The following ARID1B variants were observed in gnomAD, a reference collection of about 807,000 sequenced individuals.
The protein encoded by ARID1B is AT-rich interaction domain 1B, also known as AT-rich interactive domain-containing protein 1B.
In ARID1B, 30 loss-of-function variants were observed where a neutral mutation model predicts 212.3. The ratio of observed to expected loss-of-function variants is 0.14; its 90% CI spans 0.11 to 0.19. The LOEUF (loss-of-function observed/expected upper bound fraction) is 0.19, where lower values mean the gene tolerates loss of function less well. Ranked by LOEUF, ARID1B falls within the 10% of genes least tolerant of loss-of-function variation. The pLI is 1.00. For missense variants in ARID1B, 2,891 were observed against 3,204.0 expected (o/e 0.90, Z 2.36); for synonymous variants, 1,402 against 1,301.7 (o/e 1.08, Z -1.66).
intron 9 of ARID1B, chr6:157,168,939 CTTGA>C (rs1217523480): frequency 6.6e-6 from 1 of 152,136 alleles, no homozygotes; most frequent in African/African-American, 2.4e-5. Context: ...TTTATCCCAC[CTTGA>C]TTAAGTGAAA....
intron 2 of ARID1B, among the ~76,000 whole-genome samples, chr6:156,835,644 C>CACAT (rs1171136503): frequency 6.6e-6 from 1 of 152,178 alleles, no homozygotes; most frequent in African/African-American, 2.4e-5. Flanking sequence ...TTGTCATGTA[C>CACAT]ACATGAGTTC....
Position 157,200,904 on chromosome 6 carries a change from A to G in ARID1B, c.4679A>G (p.Gln1560Arg). 6.2e-7 allele frequency: 1 copy of G among 1,613,808 alleles called. No homozygotes were observed. Among genetic ancestry groups the G allele is most frequent in the Non-Finnish European group, 8.5e-7 (1 of 1,179,910 alleles). ...AGGGAGAGGATGCAGGGCCCGGGGC[A>G]GATCCAGACACACGGAATCCCGCCT... The part of the protein sequence containing the change: ...YSRERMQGPG[Q>R]IQTHGIPPQM... Residue 1560 changes from glutamine (Q) to arginine (R), a missense_variant, in exon 18 of 20, where the codon CAG becomes CGG. Gln to Arg is a conservative substitution (Grantham distance 43, BLOSUM62 1). Coordinates refer to ENST00000636930, the MANE Select transcript of ARID1B (RefSeq NM_001374828.1). This position sits in a 1 kb window ranked among gnomAD's most constrained non-coding sequence, Gnocchi z 4.3.
intron 4 of ARID1B, among the ~76,000 whole-genome samples, chr6:156,989,939 C>T (rs1021031042): frequency 3.9e-5 from 6 of 152,050 alleles, no homozygotes; most frequent in Non-Finnish European, 5.9e-5. Context: ...ATGGTTGATA[C>T]CTTTGATATA....
chr6:156,822,260 G>A (rs1301201518), intron 1 of ARID1B, among the ~76,000 whole-genome samples: 1 of 152,186 alleles, frequency 6.6e-6, no homozygotes, highest in African/African-American at 2.4e-5. Context: ...ACCCACATTC[G>A]AAGTTCCAAC....
intron 1 of ARID1B, among the ~76,000 whole-genome samples, chr6:156,803,860 T>A (rs1780963508): frequency 6.6e-6 from 1 of 152,172 alleles, no homozygotes. Context: ...GTTTTCCTCA[T>A]CTGCAAAATA....
chr6:156,806,097 G>T (rs143284752), intron 1 of ARID1B, among the ~76,000 whole-genome samples: 253 of 152,282 alleles, frequency 1.7e-3, no homozygotes, highest in African/African-American at 5.7e-3. Context: ...AGGTTTAATG[G>T]TGGGTCCCAA....
intron 4 of ARID1B, among the ~76,000 whole-genome samples, chr6:157,061,677 T>C (rs1414016793): frequency 1.3e-5 from 2 of 152,214 alleles, no homozygotes; most frequent in Non-Finnish European, 2.9e-5. Context: ...ACTTAAAACT[T>C]GTTATTTCTC....
chr6:157,120,693 A>G (rs1053025067), intron 6 of ARID1B, among the ~76,000 whole-genome samples: 14 of 152,212 alleles, frequency 9.2e-5, no homozygotes, highest in South Asian at 6.2e-4. Context: ...TAACCGTGGC[A>G]CACACACATG....
chr6:156,898,465 A>G (rs1195938362), intron 2 of ARID1B, among the ~76,000 whole-genome samples: 2 of 151,962 alleles, frequency 1.3e-5, no homozygotes, highest in Non-Finnish European at 1.5e-5. Context: ...GCCTGTGAGG[A>G]GAGGGACAGC....
intron 4 of ARID1B, among the ~76,000 whole-genome samples, chr6:156,991,529 G>C (rs1404059455): frequency 6.6e-6 from 1 of 152,144 alleles, no homozygotes; most frequent in African/African-American, 2.4e-5. Flanking sequence ...ACTGCGCCTG[G>C]CACATTTCTG....
chr6:156,871,911 C>T (rs1313085026), intron 2 of ARID1B, among the ~76,000 whole-genome samples: 8 of 152,132 alleles, frequency 5.3e-5, no homozygotes, highest in Admixed American at 4.6e-4. Flanking sequence ...CCACATTGTG[C>T]TTTTTTCCTG....
At chr6:156,973,842 A>G (rs1453013554) in intron 4 of ARID1B, among the ~76,000 whole-genome samples, 1 of 152,234 alleles carries the variant, frequency 6.6e-6, no homozygotes, top group Admixed American at 6.5e-5. Context: ...TTATTGGCAT[A>G]TATCATTCTG....
intron 2 of ARID1B, among the ~76,000 whole-genome samples, chr6:156,842,977 A>C (rs1427553984): frequency 6.6e-6 from 1 of 152,238 alleles, no homozygotes; most frequent in Non-Finnish European, 1.5e-5. Context: ...CTGTGTGTGC[A>C]ACACATTCCA....
chr6:156,800,028 A>G (rs2115327746), intron 1 of ARID1B, among the ~76,000 whole-genome samples: 2 of 152,098 alleles, frequency 1.3e-5, no homozygotes, highest in African/African-American at 4.8e-5. Context: ...TTTATTATAC[A>G]CATCCCTCCT....
intron 3 of ARID1B, among the ~76,000 whole-genome samples, chr6:156,904,192 A>G (rs1174881953): frequency 1.3e-5 from 2 of 151,978 alleles, no homozygotes; most frequent in Non-Finnish European, 2.9e-5. Context: ...TTTTTACCCT[A>G]TTTTTACACA....
chr6:156,897,264 CTTATTATTATTA>C (rs1163995525), intron 2 of ARID1B, among the ~76,000 whole-genome samples: 19 of 83,602 alleles, frequency 2.3e-4, no homozygotes, highest in East Asian at 1.2e-3. Context: ...TCTTCTTCTT[CTTATTATTATTA>C]TTATTATTAT....
At chr6:156,827,838 G>A (rs1206226067) in intron 1 of ARID1B, among the ~76,000 whole-genome samples, 1 of 129,890 alleles carries the variant, frequency 7.7e-6, no homozygotes, top group African/African-American at 2.9e-5. Flanking sequence ...TTGGCTCACT[G>A]CAGCCTCCGC....
rs1784852314 is a variant in ARID1B at position 157,084,725 on chromosome 6, A to G, written c.2311A>G (p.Ser771Gly). 6.2e-7 allele frequency: 1 copy of G among 1,614,186 alleles called. No homozygotes were observed. Among genetic ancestry groups the G allele is most frequent in the African/African-American group, 1.3e-5 (1 of 75,046 alleles). Reference protein sequence around the residue: ...GTEATLSSAVSASGSTSSQGD... With the variant: ...GTEATLSSAVGASGSTSSQGD... ...GGAAGCAACTTTGAGCTCAGCAGTC[A>G]GTGCATCCGGGTCCACGAGCAGCCA... The change falls in exon 5 of 20, where the codon AGT (serine) becomes GGT (glycine). Residue 771 changes from serine to glycine, a missense_variant. By Grantham distance (56) the Ser-to-Gly change is moderately conservative. Around this residue, in one of 7 missense-constraint regions of ARID1B, gnomAD observed 1,643 missense variants for 1,544.0 expected, o/e 1.06. Transcript: ENST00000636930.
Position 157,181,143 on chromosome 6 carries a change from T to C in ARID1B, c.3679T>C (p.Tyr1227His), listed in dbSNP as rs759186918. Reference protein sequence around the residue: ...GKKPLDLFRLYVCVKEIGGLA... With the variant: ...GKKPLDLFRLHVCVKEIGGLA... ...GAAGCCCCTGGACCTGTTCCGACTC[T>C]ACGTCTGCGTCAAAGAGATCGGGGG... Residue 1227 changes from tyrosine to histidine, a missense_variant, in exon 12 of 20, where the codon TAC becomes CAC. Tyr to His is a moderately conservative substitution (Grantham distance 83). Transcript: ENST00000636930. 6.2e-7 allele frequency: 1 copy of C among 1,614,200 alleles called. No homozygotes were observed. The highest frequency in any genetic ancestry group is 2.2e-5 in the East Asian group (1 of 44,892).
Sources: allele counts gnomAD v4.1 joint callset (sites outside exome capture counted in the v4.1 genomes callset), GRCh38; gene constraint gnomAD v4.1.1; regional missense constraint gnomAD v4.1.1; non-coding constraint Gnocchi (gnomAD v3.1); transcripts MANE v1.5; gene names NCBI Gene and HGNC (gene_info 2026-07-23, HGNC 2026-07-21).